ENTPD4: variants seen among roughly 807,000 people sequenced by gnomAD.
The protein encoded by ENTPD4 is Golgi UDPase.
A neutral mutation model predicts 79.1 loss-of-function variants in ENTPD4; 60 were observed. That is an observed-to-expected ratio of 0.76 (90% CI 0.62 to 0.94). ENTPD4 has a LOEUF of 0.94. Among genes scored for constraint, ENTPD4 ranks in the 40% least tolerant of loss-of-function variants. The pLI, the probability that ENTPD4 is intolerant of heterozygous loss-of-function variation, is 0.00. For synonymous variants in ENTPD4, 276 were observed against 292.0 expected (o/e 0.95, Z 0.56); for missense variants, 772 against 775.1 (o/e 1.00, Z 0.05).
In ENTPD4 at chr8:23,430,139, T is replaced by C; in HGVS notation, c.*2787A>G. 1 of 985,474 alleles carries C rather than the reference T, an allele frequency of 1.0e-6. No individual in the cohort carries two copies. The highest frequency in any genetic ancestry group is 1.2e-6 in the Non-Finnish European group (1 of 829,942). 61.0% of individuals were successfully genotyped at this position (985,474 alleles called of 1,614,324 possible). ...ATTAAGATCCTCCCTGGCTTGTCTC[T>C]CACCCACCCTGTATCTCTTAGAGAA... On this transcript the variant is annotated 3_prime_UTR_variant, in exon 13 of 13. Coordinates refer to ENST00000358689, the MANE Select transcript of ENTPD4 (RefSeq NM_004901.5).
intron 1 of ENTPD4, among the ~76,000 whole-genome samples, chr8:23,455,305 G>T (rs1049923858): frequency 6.6e-6 from 1 of 152,210 alleles, no homozygotes; most frequent in South Asian, 2.1e-4. Context: ...ATAAGCAAAG[G>T]TACCACAGGG....
chr8:23,438,874 C>T (rs1313161851), intron 9 of ENTPD4, among the ~76,000 whole-genome samples: 2 of 152,098 alleles, frequency 1.3e-5, no homozygotes, highest in South Asian at 2.1e-4. Flanking sequence ...ATAGCTCCAA[C>T]TTGGTCTTTT....
chr8:23,439,678 G>T, intron 9 of ENTPD4, 71 bp downstream of exon 9: 1 of 1,417,144 alleles, frequency 7.1e-7, no homozygotes, highest in Non-Finnish European at 9.9e-7. Flanking sequence ...TTCCCACTTT[G>T]CCTGGGTCTG....
chr8:23,429,574 T>C lies in ENTPD4; in HGVS notation c.*3352A>G. 6.1e-6 allele frequency: 6 copies of C among 985,442 alleles called. No individual in the cohort carries two copies. The highest frequency in any genetic ancestry group is 7.2e-6 in the Non-Finnish European group (6 of 829,902). 61.0% of individuals were successfully genotyped at this position (985,442 alleles called of 1,614,324 possible). ...AACTCATTTGCCATTTTTAGTTTCTTGCTAAGTGATACATGCTCCTTATAA... is the reference window on the plus strand; with the variant it reads ...AACTCATTTGCCATTTTTAGTTTCTCGCTAAGTGATACATGCTCCTTATAA... On this transcript the variant is annotated 3_prime_UTR_variant, in exon 13 of 13. Transcript: ENST00000358689.
chr8:23,432,660 A>G lies in ENTPD4; in HGVS notation c.*266T>C, dbSNP rs2117271586. 3 of 716,960 alleles carry G rather than the reference A, an allele frequency of 4.2e-6. No homozygotes were observed. The South Asian group carries it at 9.3e-5, about 22-fold the overall frequency. The allele number at this position is 716,960 out of a possible 1,614,324, so 44.4% of individuals were successfully genotyped here. ...ACTACGGGCGCCCGCCACCACACCC[A>G]GCTAATTTTTTGTATTTTTAGTAGA... On this transcript the variant is annotated 3_prime_UTR_variant, in exon 13 of 13. Coordinates refer to ENST00000358689, the MANE Select transcript of ENTPD4 (RefSeq NM_004901.5).
rs148341925 is a variant in ENTPD4 at position 23,439,898 on chromosome 8, G to A, written c.900C>T (p.Asn300=). 633 of 1,613,940 alleles carry A rather than the reference G, an allele frequency of 3.9e-4. 1 individual carries two copies. Among genetic ancestry groups the A allele is most frequent in the East Asian group, 1.1e-4 (5 of 44,882 alleles). ...ASSQQEEVAK[N]LLAEFNLGCD... Reference sequence around the variant, plus strand: ...ATCCCAAGTTAAATTCAGCTAACAAGTTTTTAGCTACTTCTTCCTGCAGAC... The same window carrying A: ...ATCCCAAGTTAAATTCAGCTAACAAATTTTTAGCTACTTCTTCCTGCAGAC... Residue 300 remains asparagine, a synonymous_variant, in exon 9 of 13, where the codon AAC becomes AAT. Coordinates refer to ENST00000358689, the MANE Select transcript of ENTPD4 (RefSeq NM_004901.5).
chr8:23,450,004 C>G lies in ENTPD4; in HGVS notation c.-97-7G>C. 1 of 1,434,540 alleles carries G rather than the reference C, an allele frequency of 7.0e-7. No individual in the cohort carries two copies. The highest frequency in any genetic ancestry group is 9.8e-7 in the Non-Finnish European group (1 of 1,018,770). The allele number at this position is 1,434,540 out of a possible 1,614,324, so 88.9% of individuals were successfully genotyped here. On this transcript the variant is annotated splice_region_variant and splice_polypyrimidine_tract_variant and intron_variant, in intron 1 of 12. Transcript: ENST00000358689. Reference sequence around the variant, plus strand: ...TCACGGAGTTAGAGCCCTCCTGTTCCAGGAAGTGAGACAAATCACAAAGAT... The same window carrying G: ...TCACGGAGTTAGAGCCCTCCTGTTCGAGGAAGTGAGACAAATCACAAAGAT...
Position 23,431,782 on chromosome 8 carries a change from GTGC to G in ENTPD4, c.*1141_*1143del, listed in dbSNP as rs1301866416. 5.1e-6 allele frequency: 5 copies of G among 985,318 alleles called. No individual in the cohort carries two copies. The highest frequency in any genetic ancestry group is 6.0e-6 in the Non-Finnish European group (5 of 829,930). The allele number at this position is 985,318 out of a possible 1,614,324, so 61.0% of individuals were successfully genotyped here. A position where few individuals can be genotyped will look rare whatever the true frequency, so the allele number is the denominator to read the frequency against. On this transcript the variant is annotated 3_prime_UTR_variant, in exon 13 of 13. Coordinates refer to ENST00000358689, the MANE Select transcript of ENTPD4 (RefSeq NM_004901.5). The stretch of plus-strand genomic sequence containing the variant: ...GGAATACTGAGCAAGAAGTGGGCAT[GTGC>G]TCTAGTTCCAATAAAACCGAAACTG...
chr8:23,434,877 T>A, intron 11 of ENTPD4: 1 of 266,478 alleles, frequency 3.8e-6, no homozygotes, highest in Non-Finnish European at 6.4e-6. Context: ...TCTATGACTC[T>A]AAATATTTAT....
At chr8:23,439,111 TACTTAC>T (rs1250922451) in intron 9 of ENTPD4, among the ~76,000 whole-genome samples, 1 of 152,222 alleles carries the variant, frequency 6.6e-6, no homozygotes, top group Non-Finnish European at 1.5e-5. Flanking sequence ...AAGTGCTATA[TACTTAC>T]ACTTATACAG....
intron 3 of ENTPD4, among the ~76,000 whole-genome samples, chr8:23,448,341 G>A (rs1002119879): frequency 1.3e-5 from 2 of 152,126 alleles, no homozygotes; most frequent in Non-Finnish European, 1.5e-5. Context: ...GCCAAACGTC[G>A]TGAAGCCATG....
intron 9 of ENTPD4, among the ~76,000 whole-genome samples, chr8:23,437,493 T>C (rs576949009): frequency 6.6e-6 from 1 of 152,202 alleles, no homozygotes; most frequent in South Asian, 2.1e-4. Context: ...AGAGTCCAGT[T>C]GGATAACCTA....
At chr8:23,448,415 C>T (rs1585409232) in intron 3 of ENTPD4, among the ~76,000 whole-genome samples, 1 of 152,166 alleles carries the variant, frequency 6.6e-6, no homozygotes, top group South Asian at 2.1e-4. Flanking sequence ...GAGACCTAAT[C>T]ACCAATGCGA....
intron 12 of ENTPD4, among the ~76,000 whole-genome samples, chr8:23,433,587 T>C (rs1187921642): frequency 6.6e-6 from 1 of 152,162 alleles, no homozygotes; most frequent in Non-Finnish European, 1.5e-5. Flanking sequence ...ACTCAGGTTC[T>C]TAGCACAGGT....
At chr8:23,444,064 C>T (rs1329788605) in intron 5 of ENTPD4, 111 bp from the exon 6 acceptor site, 1 of 667,990 alleles carries the variant, frequency 1.5e-6, no homozygotes, top group African/African-American at 1.8e-5. Flanking sequence ...TCTGGTATAT[C>T]TTGTATGAAA....
At chr8:23,452,022 A>G (rs890943968) in intron 1 of ENTPD4, among the ~76,000 whole-genome samples, 1 of 152,226 alleles carries the variant, frequency 6.6e-6, no homozygotes, top group Non-Finnish European at 1.5e-5. Flanking sequence ...AACTTACAAG[A>G]CAGATACTAT....
intron 10 of ENTPD4, 54 bp downstream of exon 10, chr8:23,436,880 G>A (rs988926030): frequency 1.2e-5 from 17 of 1,374,252 alleles, no homozygotes; most frequent in African/African-American, 4.3e-5. Context: ...ACCCGTCACC[G>A]TCCACACTGG....
intron 1 of ENTPD4, among the ~76,000 whole-genome samples, chr8:23,451,851 C>T (rs890553274): frequency 6.6e-6 from 1 of 152,166 alleles, no homozygotes; most frequent in African/African-American, 2.4e-5. Flanking sequence ...CCCTGGTCAC[C>T]TGATCAATAA....
chr8:23,454,125 ATTAATT>A (rs1800912470), intron 1 of ENTPD4, among the ~76,000 whole-genome samples: 7 of 152,238 alleles, frequency 4.6e-5, no homozygotes, highest in Admixed American at 4.6e-4. Context: ...AAGGACATAT[ATTAATT>A]TTATCATCAG....
Sources: allele counts gnomAD v4.1 joint callset (sites outside exome capture counted in the v4.1 genomes callset), GRCh38; gene constraint gnomAD v4.1.1; transcripts MANE v1.5; gene names NCBI Gene and HGNC (gene_info 2026-07-23, HGNC 2026-07-21).